NRXN1: variants seen among roughly 807,000 people sequenced by gnomAD.
NRXN1 encodes neurexin-1.
Under a neutral mutation model 150.9 loss-of-function variants are expected in NRXN1, and 39 were observed. The observed-to-expected ratio is 0.26, with a 90% CI of 0.20 to 0.34. NRXN1 has a LOEUF of 0.34. Among genes scored for constraint, NRXN1 ranks in the 10% least tolerant of loss-of-function variants. NRXN1 has a pLI of 1.00. For missense variants in NRXN1, 1,815 were observed against 1,949.9 expected (o/e 0.93, Z 1.30); for synonymous variants, 924 against 757.0 (o/e 1.22, Z -3.62).
At chr2:50,389,304 A>G (rs192255794) in intron 17 of NRXN1, among the ~76,000 whole-genome samples, 61 of 149,526 alleles carry the variant, frequency 4.1e-4, no homozygotes, top group African/African-American at 1.3e-3. Context: ...AGTCTTCTTT[A>G]TTCCTAAAAT....
chr2:50,185,625 C>A (rs919618354), intron 18 of NRXN1: 1 of 152,020 alleles, frequency 6.6e-6, no homozygotes, highest in African/African-American at 2.4e-5. Context: ...TGCAGAAGAT[C>A]TGGATGCAGT....
In NRXN1 at chr2:50,873,577, G is replaced by T. The variant is rs1488558732; in HGVS notation, c.832+48292C>A. On this transcript the variant is annotated intron_variant, in intron 5 of 22. Transcript: ENST00000401669. Reference sequence around the variant, plus strand: ...AGTTATTTTTCATTTTGGGCGGGGTGGTTTATGCTCTGAATTAACCATGAG... The same window carrying T: ...AGTTATTTTTCATTTTGGGCGGGGTTGTTTATGCTCTGAATTAACCATGAG... Among the ~76,000 whole-genome samples the T allele has an allele frequency of 2.0e-5, 3 of 151,638 alleles. No homozygotes were observed. In the South Asian group the frequency reaches 6.2e-4, roughly 31 times the overall value.
chr2:50,401,988 G>A (rs947335308), intron 17 of NRXN1, among the ~76,000 whole-genome samples: 1 of 152,056 alleles, frequency 6.6e-6, no homozygotes, highest in African/African-American at 2.4e-5. Context: ...TCCCAGTAGA[G>A]TGAACTGAAG....
chr2:50,305,669 G>A (rs1382366199), intron 17 of NRXN1, among the ~76,000 whole-genome samples: 1 of 152,132 alleles, frequency 6.6e-6, no homozygotes, highest in South Asian at 2.1e-4. Context: ...AATAAGCATA[G>A]ATCACAATTT....
At position 50,493,598 on chromosome 2, in the gene NRXN1, A is replaced by T. The variant is rs188882734; in HGVS notation, c.3070+2307T>A. Reference sequence around the variant, plus strand: ...GCCACCCTTACCCAAAGTGGTGATGATGGGAGACAAGACACATCAGGCCCC... The same window carrying T: ...GCCACCCTTACCCAAAGTGGTGATGTTGGGAGACAAGACACATCAGGCCCC... On this transcript the variant is annotated intron_variant, in intron 15 of 22. Transcript: ENST00000401669. Among the ~76,000 whole-genome samples the T allele has an allele frequency of 2.3e-3, 353 of 152,276 alleles. 1 individual carries two copies. The highest frequency in any genetic ancestry group is 8.3e-3 in the African/African-American group (344 of 41,570).
chr2:50,765,290 G>A (rs571468346), intron 5 of NRXN1, among the ~76,000 whole-genome samples: 5 of 152,044 alleles, frequency 3.3e-5, no homozygotes, highest in Non-Finnish European at 7.4e-5. Context: ...CTTCTGGAAT[G>A]TAACACATCT....
chr2:50,356,684 G>A (rs1451199055), intron 17 of NRXN1, among the ~76,000 whole-genome samples: 1 of 152,050 alleles, frequency 6.6e-6, no homozygotes, highest in East Asian at 1.9e-4. Context: ...TTACCTTATT[G>A]CCTTCTAAAT....
At chr2:50,276,179 G>C (rs1160133052) in intron 17 of NRXN1, among the ~76,000 whole-genome samples, 2 of 151,948 alleles carry the variant, frequency 1.3e-5, no homozygotes, top group Non-Finnish European at 2.9e-5. Context: ...GATTCTAAGG[G>C]GGAGGTTTCT....
intron 21 of NRXN1, among the ~76,000 whole-genome samples, chr2:49,983,159 G>A (rs1573213597): frequency 1.3e-5 from 2 of 151,970 alleles, no homozygotes; most frequent in East Asian, 3.9e-4. Flanking sequence ...ATACTATTTG[G>A]GACACTTATT....
chr2:50,164,834 G>C (rs565222227), intron 18 of NRXN1, among the ~76,000 whole-genome samples: 57 of 152,250 alleles, frequency 3.7e-4, no homozygotes, highest in Non-Finnish European at 2.6e-4. Context: ...CCCAATTTAA[G>C]TGCGATTGAA....
At chr2:50,344,532 A>G (rs1319071543) in intron 17 of NRXN1, among the ~76,000 whole-genome samples, 1 of 152,214 alleles carries the variant, frequency 6.6e-6, no homozygotes, top group African/African-American at 2.4e-5. Context: ...CAAAAGAATA[A>G]TACCAACCAC....
At chr2:50,830,962 G>T (rs566587483) in intron 5 of NRXN1, among the ~76,000 whole-genome samples, 1 of 152,028 alleles carries the variant, frequency 6.6e-6, no homozygotes, top group African/African-American at 2.4e-5. Flanking sequence ...TTTTATTTTT[G>T]TGGGCATATA....
chr2:50,285,380 G>A (rs2072008213), intron 17 of NRXN1, among the ~76,000 whole-genome samples: 1 of 152,120 alleles, frequency 6.6e-6, no homozygotes, highest in Non-Finnish European at 1.5e-5. Flanking sequence ...ACCAAGCCTG[G>A]ACAGGAGGCC....
intron 17 of NRXN1, among the ~76,000 whole-genome samples, chr2:50,300,559 T>A (rs913606324): frequency 7.9e-5 from 12 of 152,098 alleles, no homozygotes; most frequent in Non-Finnish European, 1.6e-4. Context: ...AAGAAGGAAT[T>A]TTTCAGTCTC....
chr2:50,936,880 T>C (rs770350925), intron 2 of NRXN1, among the ~76,000 whole-genome samples: 1 of 151,996 alleles, frequency 6.6e-6, no homozygotes, highest in African/African-American at 2.4e-5. Flanking sequence ...TTTTAAAAAA[T>C]GAATAAATTG....
At chr2:50,054,241 A>G (rs1386355568) in intron 20 of NRXN1, among the ~76,000 whole-genome samples, 3 of 71,516 alleles carry the variant, frequency 4.2e-5, no homozygotes, top group Non-Finnish European at 8.2e-5. Context: ...AAAACAAAAC[A>G]AAATGAAAAA....
intron 18 of NRXN1, among the ~76,000 whole-genome samples, chr2:50,224,574 T>C (rs1189619051): frequency 6.6e-6 from 1 of 151,762 alleles, no homozygotes; most frequent in Non-Finnish European, 1.5e-5. Context: ...ACATTTAATA[T>C]ATATTAATTA....
intron 2 of NRXN1, among the ~76,000 whole-genome samples, chr2:50,980,777 C>A (rs1696663143): frequency 1.3e-5 from 2 of 152,052 alleles, no homozygotes; most frequent in Non-Finnish European, 2.9e-5. Flanking sequence ...ACCTATCATT[C>A]CAGAGAGTTT....
chr2:49,955,302 CA>C (rs1674729487), intron 21 of NRXN1, among the ~76,000 whole-genome samples: 1 of 151,990 alleles, frequency 6.6e-6, no homozygotes, highest in African/African-American at 2.4e-5. Context: ...AGAATTGTGG[CA>C]AAATAACACT....
Sources: allele counts gnomAD v4.1 joint callset (sites outside exome capture counted in the v4.1 genomes callset), GRCh38; gene constraint gnomAD v4.1.1; transcripts MANE v1.5; gene names NCBI Gene and HGNC (gene_info 2026-07-23, HGNC 2026-07-21).